Variants in TRPM1 observed in about 807,000 individuals in gnomAD.
The protein encoded by TRPM1 is transient receptor potential cation channel subfamily M member 1.
TRPM1 carries 113 observed loss-of-function variants against 149.4 expected under a neutral mutation model. The ratio of observed to expected loss-of-function variants is 0.76; its 90% confidence interval spans 0.65 to 0.88. TRPM1 has a LOEUF of 0.88. TRPM1 is among the 40% of genes least tolerant of loss of function. TRPM1 has a pLI of 0.00. For missense variants in TRPM1, 1,976 were observed against 2,038.7 expected (o/e 0.97, Z 0.59); for synonymous variants, 741 against 759.5 (o/e 0.98, Z 0.40).
intron 1 of TRPM1, among the ~76,000 whole-genome samples, chr15:31,090,806 C>T (rs932812075): frequency 6.6e-6 from 1 of 151,966 alleles, no homozygotes; most frequent in African/African-American, 2.4e-5. Context: ...GGAAGGAGAA[C>T]TTGGGCTTTA....
At chr15:31,049,659 A>G (rs2140939973) in intron 12 of TRPM1, 150 bp from the exon 13 acceptor site, 1 of 838,710 alleles carries the variant, frequency 1.2e-6, no homozygotes, top group South Asian at 1.4e-5. Context: ...TTGGGTAAAC[A>G]CTCCCCATCT....
intron 1 of TRPM1, among the ~76,000 whole-genome samples, chr15:31,108,100 C>T (rs2035634031): frequency 1.3e-5 from 2 of 152,140 alleles, no homozygotes; most frequent in African/African-American, 4.8e-5. Flanking sequence ...TCAGGTGATC[C>T]ACCAACCTCG....
rs181365749 is a variant in TRPM1, at chr15:31,032,545, C to A, written c.2952+144G>T. On this transcript the variant is annotated intron_variant, in intron 22 of 27. Transcript: ENST00000256552. The stretch of plus-strand genomic sequence containing the variant: ...ATCAACATGTAGGAGAACTGTGTAT[C>A]TTAAAGCAAAGAATATTTCCTTTAA... The A allele has an allele frequency of 1.0e-4, 101 of 968,224 alleles. 1 individual carries two copies. In the East Asian group the frequency reaches 2.3e-3, roughly 22 times the overall value. 60.0% of individuals were successfully genotyped at this position (968,224 alleles called of 1,614,324 possible).
chr15:31,008,594 G>A (rs905121783), intron 27 of TRPM1, among the ~76,000 whole-genome samples: 3 of 152,030 alleles, frequency 2.0e-5, no homozygotes, highest in Non-Finnish European at 4.4e-5. Flanking sequence ...GAATTTTTGT[G>A]TCTATGTTCA....
intron 17 of TRPM1, among the ~76,000 whole-genome samples, chr15:31,041,267 G>T (rs2033607777): frequency 6.6e-6 from 1 of 151,684 alleles, no homozygotes; most frequent in South Asian, 2.1e-4. Context: ...CCTTTCTCCT[G>T]CCTCAGCCTC....
Position 31,002,369 on chromosome 15 carries a change from C to A in TRPM1, c.4331G>T (p.Arg1444Leu), listed in dbSNP as rs748246121. The A allele has an allele frequency of 2.1e-5, 34 of 1,614,034 alleles. No individual in the cohort carries two copies. The highest frequency in any genetic ancestry group is 1.6e-4 in the African/African-American group (12 of 74,910). The change falls in exon 28 of 28, where the codon CGC becomes CTC. Residue 1444 changes from arginine to leucine, a missense_variant. Physicochemically the swap from Arg to Leu is moderately radical, Grantham distance 102. This residue lies in a region of TRPM1 where 572 missense variants were observed against 578.9 expected (regional missense o/e 0.99). Transcript: ENST00000256552. ...ATTGATCGTTTCATCGGGGAAATAG[C>A]GTGTAATTTTGGTTTCTTCCAGGGG... ...SYPLEETKIT[R>L]YFPDETINAC...
In TRPM1 at chr15:31,073,563, A is replaced by C. The variant is rs8029784; in HGVS notation, c.84-3337T>G. ...TTTGTGTATTGATCTTATATGCCAC[A>C]ATCTTGCTGAACTCATTTATTAGTT... On this transcript the variant is annotated intron_variant, in intron 3 of 27. Transcript: ENST00000256552. 6.3e-3 allele frequency among the ~76,000 whole-genome samples: 963 copies of C among 152,188 alleles called. 8 individuals carry two copies. The highest frequency in any genetic ancestry group is 0.022 in the African/African-American group (926 of 41,556).
At chr15:31,003,153 T>G in intron 27 of TRPM1, 83 bp from the exon 28 acceptor site, 2 of 1,250,472 alleles carry the variant, frequency 1.6e-6, no homozygotes, top group Middle Eastern at 2.7e-4. Flanking sequence ...TGCTATGTGA[T>G]TTTTCAGAAT....
chr15:31,111,322 G>T (rs2035685967), intron 1 of TRPM1, among the ~76,000 whole-genome samples: 1 of 152,206 alleles, frequency 6.6e-6, no homozygotes, highest in African/African-American at 2.4e-5. Flanking sequence ...GAGAGTCTGA[G>T]TGTAACGTTC....
intron 12 of TRPM1, 119 bp downstream of exon 12, chr15:31,050,290 C>G (rs2033909799): frequency 1.0e-5 from 15 of 1,449,788 alleles, no homozygotes; most frequent in Non-Finnish European, 1.4e-5. Context: ...CCCAGTCAAG[C>G]CTTTACCCGT....
intron 1 of TRPM1, among the ~76,000 whole-genome samples, chr15:31,149,713 G>GA (rs1567081032): frequency 6.6e-6 from 1 of 152,040 alleles, no homozygotes; most frequent in African/African-American, 2.4e-5. Context: ...TAGAGACGGG[G>GA]TTTCACCGTG....
intron 1 of TRPM1, among the ~76,000 whole-genome samples, chr15:31,126,987 C>CAAACAAAT (rs1451563167): frequency 1.2e-4 from 18 of 151,946 alleles, no homozygotes; most frequent in Non-Finnish European, 2.5e-4. Context: ...AACAAACAAA[C>CAAACAAAT]AAACAAACAG....
intron 4 of TRPM1, chr15:31,069,717 T>C: frequency 4.2e-6 from 6 of 1,421,410 alleles, no homozygotes; most frequent in Non-Finnish European, 4.6e-6. Context: ...ATTAGAAAAA[T>C]GAATTTGTCT....
Position 31,060,634 on chromosome 15 carries a change from T to C in TRPM1, c.1173A>G (p.Val391=). 6.2e-7 allele frequency: 1 copy of C among 1,614,066 alleles called. No individual in the cohort carries two copies. Among genetic ancestry groups the C allele is most frequent in the East Asian group, 2.2e-5 (1 of 44,892 alleles). ...CCAAGCTCAGCTGATCTGGAGCAGA[T>C]ACGTTTGTTCCTGGAAAGGCAAGAA... ...ILTALLKGTN[V]SAPDQLSLAL... Residue 391 remains valine, a synonymous_variant, in exon 11 of 28, where the codon GTA becomes GTG. Transcript: ENST00000256552.
intron 1 of TRPM1, among the ~76,000 whole-genome samples, chr15:31,099,807 T>A (rs938306325): frequency 6.6e-6 from 1 of 152,184 alleles, no homozygotes; most frequent in Admixed American, 6.5e-5. Flanking sequence ...TAAATATAAT[T>A]GCAAATGCCA....
intron 1 of TRPM1, among the ~76,000 whole-genome samples, chr15:31,098,945 T>A (rs190414762): frequency 4.6e-5 from 7 of 152,252 alleles, no homozygotes; most frequent in African/African-American, 1.4e-4. Flanking sequence ...GATGTTAACT[T>A]GTTTTCTTAA....
chr15:31,114,229 C>T (rs1204595390), intron 1 of TRPM1, among the ~76,000 whole-genome samples: 1 of 152,160 alleles, frequency 6.6e-6, no homozygotes, highest in South Asian at 2.1e-4. Context: ...TCCAAGTGTT[C>T]TCATCATTTA....
intron 1 of TRPM1, among the ~76,000 whole-genome samples, chr15:31,147,871 T>G (rs548333562): frequency 1.1e-3 from 173 of 152,084 alleles, no homozygotes; most frequent in Non-Finnish European, 2.3e-3. Flanking sequence ...CCCAGGGAGG[T>G]GGGCGGCTGC....
intron 1 of TRPM1, among the ~76,000 whole-genome samples, chr15:31,149,273 A>G (rs1056849313): frequency 6.6e-6 from 1 of 152,140 alleles, no homozygotes; most frequent in Admixed American, 6.5e-5. Flanking sequence ...CTGGTCTCTG[A>G]GGAGCCACCG....
Sources: gnomAD v4.1 joint callset for allele counts (sites outside exome capture counted in the v4.1 genomes callset) on GRCh38, gnomAD v4.1.1 for gene constraint, gnomAD v4.1.1 regional missense constraint, MANE v1.5 for transcripts, NCBI Gene and HGNC (gene_info 2026-07-23, HGNC 2026-07-21) for gene names.